MTUS2: variants seen among roughly 807,000 people sequenced by gnomAD.
The protein encoded by MTUS2 is microtubule-associated tumor suppressor candidate 2.
MTUS2 carries 40 observed loss-of-function variants against 114.1 expected under a neutral mutation model. The ratio of observed to expected loss-of-function variants is 0.35; its 90% confidence interval spans 0.27 to 0.46. MTUS2 has a LOEUF of 0.46. MTUS2 is among the 20% of genes least tolerant of loss of function. MTUS2 has a pLI of 1.00. For synonymous variants in MTUS2, 688 were observed against 672.0 expected (o/e 1.02, Z -0.37); for missense variants, 1,679 against 1,705.4 (o/e 0.98, Z 0.27).
intron 6 of MTUS2, among the ~76,000 whole-genome samples, chr13:29,310,753 T>A (rs1418590077): frequency 6.6e-6 from 1 of 152,182 alleles, no homozygotes; most frequent in African/African-American, 2.4e-5. Flanking sequence ...TTAGTGAAGA[T>A]GTACATGGGG....
intron 5 of MTUS2, among the ~76,000 whole-genome samples, chr13:29,185,275 A>G (rs9550445): frequency 0.74 from 112,367 of 151,956 alleles, 41,656 homozygotes; most frequent in East Asian, 0.8. Context: ...CAGAGCCTCA[A>G]AGGTCTATGG....
intron 2 of MTUS2, among the ~76,000 whole-genome samples, chr13:28,952,036 C>T (rs997058368): frequency 1.3e-5 from 2 of 152,000 alleles, no homozygotes; most frequent in African/African-American, 4.8e-5. Context: ...GTGGCAAATG[C>T]CTGGATGACC....
At chr13:29,309,787 T>C (rs1216707402) in intron 6 of MTUS2, among the ~76,000 whole-genome samples, 2 of 152,150 alleles carry the variant, frequency 1.3e-5, no homozygotes, top group Non-Finnish European at 2.9e-5. Context: ...AATTTTTGTG[T>C]GTACATAGTA....
At chr13:28,948,929 G>A (rs59216772) in intron 2 of MTUS2, among the ~76,000 whole-genome samples, 1,629 of 152,296 alleles carry the variant, frequency 0.011, 33 homozygotes, top group African/African-American at 0.036. Context: ...TTGGACTTAA[G>A]GTTGTTCTGG....
At chr13:28,840,441 AC>A (rs1461876364) in intron 2 of MTUS2, among the ~76,000 whole-genome samples, 5 of 152,182 alleles carry the variant, frequency 3.3e-5, no homozygotes, top group Admixed American at 6.5e-5. Flanking sequence ...AGACAAAGGC[AC>A]CCCTCTGTAA....
chr13:29,114,576 TAAATC>T (rs965012890), intron 5 of MTUS2, among the ~76,000 whole-genome samples: 1 of 152,100 alleles, frequency 6.6e-6, no homozygotes, highest in African/African-American at 2.4e-5. Flanking sequence ...AGAAATATAT[TAAATC>T]AAAGGAAAGA....
At chr13:29,126,764 G>A (rs984596474) in intron 5 of MTUS2, among the ~76,000 whole-genome samples, 4 of 152,102 alleles carry the variant, frequency 2.6e-5, no homozygotes, top group Non-Finnish European at 5.9e-5. Context: ...CCTACAACCT[G>A]AAGACCTTAG....
intron 9 of MTUS2, among the ~76,000 whole-genome samples, chr13:29,477,337 T>G (rs1318879374): frequency 6.6e-6 from 1 of 152,230 alleles, no homozygotes; most frequent in Non-Finnish European, 1.5e-5. Context: ...TTACCTCTTC[T>G]GTGATTCCTA....
intron 9 of MTUS2, among the ~76,000 whole-genome samples, chr13:29,443,285 T>C (rs1878028313): frequency 6.6e-6 from 1 of 152,204 alleles, no homozygotes; most frequent in Non-Finnish European, 1.5e-5. Flanking sequence ...TAGAGAGACT[T>C]CTGCACTCCC....
intron 4 of MTUS2, among the ~76,000 whole-genome samples, chr13:29,074,362 C>T (rs1889086301): frequency 6.6e-6 from 1 of 152,306 alleles, no homozygotes; most frequent in Non-Finnish European, 1.5e-5. Context: ...CTCCTGTGTG[C>T]TCCCACAGCT....
At chr13:29,067,375 G>A (rs1412847748) in intron 4 of MTUS2, among the ~76,000 whole-genome samples, 3 of 152,148 alleles carry the variant, frequency 2.0e-5, no homozygotes, top group Admixed American at 2.0e-4. Context: ...AAAATGTAGT[G>A]TATGAGGCTA....
intron 6 of MTUS2, among the ~76,000 whole-genome samples, chr13:29,311,757 T>C (rs1463956179): frequency 1.3e-5 from 2 of 152,186 alleles, no homozygotes; most frequent in Non-Finnish European, 2.9e-5. Flanking sequence ...AGTGGCAACT[T>C]CAATCACAAA....
At chr13:29,039,477 C>G (rs9508231) in intron 4 of MTUS2, among the ~76,000 whole-genome samples, 1 of 152,062 alleles carries the variant, frequency 6.6e-6, no homozygotes, top group Admixed American at 6.5e-5. Flanking sequence ...GCAGCTGCAG[C>G]GGGGGAGGGC....
At chr13:29,158,283 C>T (rs551480630) in intron 5 of MTUS2, among the ~76,000 whole-genome samples, 324 of 150,454 alleles carry the variant, frequency 2.2e-3, no homozygotes, top group Non-Finnish European at 3.6e-3. Flanking sequence ...CATGTACTTT[C>T]GTATTTACAC....
At chr13:28,915,950 A>C (rs1479983333) in intron 2 of MTUS2, among the ~76,000 whole-genome samples, 2 of 151,864 alleles carry the variant, frequency 1.3e-5, no homozygotes, top group Non-Finnish European at 2.9e-5. Context: ...CTAAGTCTTT[A>C]ATCTATTTTT....
intron 4 of MTUS2, among the ~76,000 whole-genome samples, chr13:29,054,663 AC>A (rs2138618228): frequency 6.6e-6 from 1 of 152,200 alleles, no homozygotes; most frequent in Non-Finnish European, 1.5e-5. Flanking sequence ...CTTTTATGAC[AC>A]CTGAATTTTA....
In MTUS2 at chr13:28,870,167, A is replaced by G. The variant is rs560946037; in HGVS notation, c.-243+30317A>G. ...CTAGGTATTTGAAACTATATAACACATTGTTGGTAACTATCAGACTCTGAT... is the reference window on the plus strand; with the variant it reads ...CTAGGTATTTGAAACTATATAACACGTTGTTGGTAACTATCAGACTCTGAT... On this transcript the variant is annotated intron_variant, in intron 2 of 15. Coordinates refer to ENST00000612955, the MANE Select transcript of MTUS2 (RefSeq NM_001033602.4). Among the ~76,000 whole-genome samples, 421 of 152,304 alleles carry G rather than the reference A, an allele frequency of 2.8e-3. 3 individuals are homozygous for G. The highest frequency in any genetic ancestry group is 8.7e-3 in the South Asian group (42 of 4,822).
chr13:29,209,742 G>C (rs151318719), intron 5 of MTUS2, among the ~76,000 whole-genome samples: 162 of 152,114 alleles, frequency 1.1e-3, no homozygotes, highest in East Asian at 7.9e-3. Context: ...TGTTTAACAA[G>C]GCTAAAGGTA....
chr13:28,941,661 G>A (rs778073104), intron 2 of MTUS2, among the ~76,000 whole-genome samples: 9 of 152,086 alleles, frequency 5.9e-5, no homozygotes, highest in Non-Finnish European at 1.3e-4. Context: ...CTTCACAAAA[G>A]TGTATAGTTA....
Sources: allele counts gnomAD v4.1 joint callset (sites outside exome capture counted in the v4.1 genomes callset), GRCh38; gene constraint gnomAD v4.1.1; transcripts MANE v1.5; gene names NCBI Gene and HGNC (gene_info 2026-07-23, HGNC 2026-07-21).